The following CTNND2 variants were observed in gnomAD, a reference collection of about 807,000 sequenced individuals.
CTNND2 encodes the protein catenin delta 2, also known as catenin delta-2.
A neutral mutation model predicts 144.4 loss-of-function variants in CTNND2; 22 were observed. That is an observed-to-expected ratio of 0.15 (90% CI 0.11 to 0.22). CTNND2 has a LOEUF of 0.22. CTNND2 is among the 10% of genes least tolerant of loss of function. CTNND2 has a pLI of 1.00. For synonymous variants in CTNND2, 751 were observed against 695.6 expected (o/e 1.08, Z -1.25); for missense variants, 1,353 against 1,618.8 (o/e 0.84, Z 2.82).
chr5:11,383,211 C>T (rs929430855), intron 7 of CTNND2, among the ~76,000 whole-genome samples: 6 of 152,054 alleles, frequency 3.9e-5, no homozygotes, highest in South Asian at 2.1e-4. Context: ...TCTAGTAGGA[C>T]GCCTGGACTC....
Position 11,608,314 on chromosome 5 carries a change from G to A in CTNND2, c.175-43258C>T, listed in dbSNP as rs567584650. Among the ~76,000 whole-genome samples the A allele has an allele frequency of 9.2e-5, 14 of 152,190 alleles. 1 individual carries two copies. The South Asian group carries it at 2.9e-3, about 32-fold the overall frequency. On this transcript the variant is annotated intron_variant, in intron 2 of 21. Coordinates refer to ENST00000304623, the MANE Select transcript of CTNND2 (RefSeq NM_001332.4). ...CATCTCCAACTCTGCCCTCCCCACT[G>A]AGCACTAGATTAATCTAGGCAATTG...
intron 2 of CTNND2, among the ~76,000 whole-genome samples, chr5:11,577,369 C>T (rs1160185562): frequency 6.6e-6 from 1 of 152,144 alleles, no homozygotes; most frequent in African/African-American, 2.4e-5. Context: ...TTGAAATCAA[C>T]ACATCATTAA....
At chr5:11,598,576 T>C (rs749969854) in intron 2 of CTNND2, among the ~76,000 whole-genome samples, 4 of 152,194 alleles carry the variant, frequency 2.6e-5, no homozygotes, top group African/African-American at 7.2e-5. Flanking sequence ...ACCTATCACC[T>C]TTCTTTTCAT....
chr5:11,884,887 C>G (rs1172142028), intron 1 of CTNND2, among the ~76,000 whole-genome samples: 1 of 151,930 alleles, frequency 6.6e-6, no homozygotes, highest in Non-Finnish European at 1.5e-5. Context: ...TGAGTTTTAT[C>G]AAAATGTTTT....
At chr5:11,450,082 G>T (rs1765163264) in intron 3 of CTNND2, among the ~76,000 whole-genome samples, 1 of 152,194 alleles carries the variant, frequency 6.6e-6, no homozygotes, top group African/African-American at 2.4e-5. Flanking sequence ...TGTCTATACT[G>T]AACTGTTCAC....
intron 2 of CTNND2, among the ~76,000 whole-genome samples, chr5:11,669,995 A>C (rs772522295): frequency 9.2e-5 from 14 of 152,108 alleles, no homozygotes; most frequent in Non-Finnish European, 1.3e-4. Flanking sequence ...TTATGCCTTC[A>C]TTTCATTAAT....
At chr5:11,673,204 TAC>T (rs1409413936) in intron 2 of CTNND2, among the ~76,000 whole-genome samples, 1 of 152,152 alleles carries the variant, frequency 6.6e-6, no homozygotes, top group African/African-American at 2.4e-5. Context: ...TTCTGGAACT[TAC>T]ACAGTCTTTT....
Position 11,741,416 on chromosome 5 carries a change from C to T in CTNND2, c.38-9144G>A, listed in dbSNP as rs191667706. On this transcript the variant is annotated intron_variant, in intron 1 of 21. Transcript: ENST00000304623. ...AAAAAGGATGAGTTCATGTCCTTTG[C>T]AGGGACATGGATGAAGCTGGAAACC... Among the ~76,000 whole-genome samples the T allele has an allele frequency of 6.6e-5, 10 of 152,160 alleles. No homozygotes were observed. The East Asian group carries it at 1.7e-3, about 26-fold the overall frequency.
chr5:11,420,609 T>C (rs31884), intron 3 of CTNND2, among the ~76,000 whole-genome samples: 53,097 of 152,004 alleles, frequency 0.35, 13,355 homozygotes, highest in African/African-American at 0.72. Flanking sequence ...CATTAGCGCA[T>C]TATGTCCAGA....
At chr5:11,495,239 T>C (rs965554007) in intron 3 of CTNND2, among the ~76,000 whole-genome samples, 4 of 152,212 alleles carry the variant, frequency 2.6e-5, no homozygotes, top group African/African-American at 9.7e-5. Flanking sequence ...TGGTCACCTT[T>C]ATTAATTATC....
intron 1 of CTNND2, among the ~76,000 whole-genome samples, chr5:11,819,534 A>G (rs752420499): frequency 2.8e-4 from 43 of 152,148 alleles, no homozygotes; most frequent in Non-Finnish European, 4.7e-4. Context: ...ACTTATGGGG[A>G]AGCAAGACTA....
At chr5:11,084,228 T>G (rs1749899632) in intron 15 of CTNND2, among the ~76,000 whole-genome samples, 1 of 152,238 alleles carries the variant, frequency 6.6e-6, no homozygotes, top group Non-Finnish European at 1.5e-5. Flanking sequence ...CATTGAGGTT[T>G]GCAAACTGCT....
At position 11,458,728 on chromosome 5, in the gene CTNND2, G is replaced by A. The variant is rs1765943155; in HGVS notation, c.288-46659C>T. On this transcript the variant is annotated intron_variant, in intron 3 of 21. Coordinates refer to ENST00000304623, the MANE Select transcript of CTNND2 (RefSeq NM_001332.4). ...AAGGTACAACTTTAGCAGAGGTTAT[G>A]GTGCCGGTCTAACTCAAAGATTTGT... Among the ~76,000 whole-genome samples, 11 of 152,244 alleles carry A rather than the reference G, an allele frequency of 7.2e-5. No homozygotes were observed. In the South Asian group the frequency reaches 2.3e-3, roughly 32 times the overall value.
intron 2 of CTNND2, among the ~76,000 whole-genome samples, chr5:11,615,432 G>A (rs1248745009): frequency 6.6e-6 from 1 of 152,074 alleles, no homozygotes; most frequent in Non-Finnish European, 1.5e-5. Flanking sequence ...TAAAAATAAT[G>A]TAAGGCCATT....
At chr5:11,281,906 T>G (rs1322180597) in intron 9 of CTNND2, among the ~76,000 whole-genome samples, 1 of 152,202 alleles carries the variant, frequency 6.6e-6, no homozygotes, top group African/African-American at 2.4e-5. Context: ...AACATATGAA[T>G]TTTAGCATAA....
chr5:11,609,338 C>A (rs1581602023), intron 2 of CTNND2, among the ~76,000 whole-genome samples: 1 of 151,964 alleles, frequency 6.6e-6, no homozygotes, highest in South Asian at 2.1e-4. Flanking sequence ...TTTATTTTTT[C>A]TTTTTGATGA....
intron 1 of CTNND2, among the ~76,000 whole-genome samples, chr5:11,801,202 G>C (rs1438562417): frequency 6.6e-6 from 1 of 152,200 alleles, no homozygotes; most frequent in East Asian, 1.9e-4. Flanking sequence ...ATGGGTACCA[G>C]TTAAGCATGG....
chr5:11,822,643 C>G (rs1793377479), intron 1 of CTNND2, among the ~76,000 whole-genome samples: 1 of 152,102 alleles, frequency 6.6e-6, no homozygotes, highest in South Asian at 2.1e-4. Context: ...TAGTCCCTCT[C>G]TAGTGCTGTT....
intron 1 of CTNND2, among the ~76,000 whole-genome samples, chr5:11,765,034 G>GCCCACCCCCC (rs1789498495): frequency 6.9e-6 from 1 of 143,930 alleles, no homozygotes; most frequent in African/African-American, 2.7e-5. Flanking sequence ...CATTAATCCT[G>GCCCACCCCCC]CCCCCCCCAC....
Sources: gnomAD v4.1 joint callset for allele counts (sites outside exome capture counted in the v4.1 genomes callset) on GRCh38, gnomAD v4.1.1 for gene constraint, MANE v1.5 for transcripts, NCBI Gene and HGNC (gene_info 2026-07-23, HGNC 2026-07-21) for gene names.